The following DCLRE1A variants were observed in gnomAD, a reference collection of about 807,000 sequenced individuals.
DCLRE1A encodes DNA cross-link repair 1A, also known as DNA cross-link repair 1A protein.
In DCLRE1A, 64 loss-of-function variants were observed where a neutral mutation model predicts 91.9. The ratio of observed to expected loss-of-function variants is 0.70; its 90% CI spans 0.57 to 0.86. The LOEUF (loss-of-function observed/expected upper bound fraction) is 0.86, where lower values mean the gene tolerates loss of function less well. Ranked by LOEUF, DCLRE1A falls within the 40% of genes least tolerant of loss-of-function variation. The pLI, the probability that DCLRE1A is intolerant of heterozygous loss-of-function variation, is 0.00. For synonymous variants in DCLRE1A, 416 were observed against 431.1 expected (o/e 0.96, Z 0.43); for missense variants, 1,145 against 1,213.3 (o/e 0.94, Z 0.84).
rs1222271184 is a variant in DCLRE1A at position 113,852,816 on chromosome 10, G to T, written c.367C>A (p.Pro123Thr). Residue 123 changes from proline to threonine, a missense_variant, in exon 1 of 9, where the codon CCA becomes ACA. Transcript: ENST00000361384. The stretch of plus-strand genomic sequence containing the variant: ...GAGGAAAAAGGCATCTGGCAATTTG[G>T]ACAGTATCCATCATAAACTGGACGT... ...KIRPVYDGYC[P>T]NCQMPFSSLI... 1.9e-6 allele frequency: 3 copies of T among 1,614,186 alleles called. No individual in the cohort carries two copies. Among genetic ancestry groups the T allele is most frequent in the Non-Finnish European group, 2.5e-6 (3 of 1,180,022 alleles).
chr10:113,842,986 AAAAT>A (rs1013353056), intron 5 of DCLRE1A, among the ~76,000 whole-genome samples: 16 of 151,706 alleles, frequency 1.1e-4, no homozygotes, highest in African/African-American at 3.6e-4. Flanking sequence ...TTACAGATAC[AAAAT>A]ATATATACTA....
At chr10:113,852,684 T>C in intron 1 of DCLRE1A, 39 bp downstream of exon 1, 2 of 1,554,838 alleles carry the variant, frequency 1.3e-6, no homozygotes, top group Non-Finnish European at 1.7e-6. Context: ...GAAGACTTTT[T>C]AGATTATTTA....
intron 7 of DCLRE1A, among the ~76,000 whole-genome samples, chr10:113,839,346 A>T (rs1845411689): frequency 6.6e-6 from 1 of 151,488 alleles, no homozygotes; most frequent in Non-Finnish European, 1.5e-5. Context: ...AAAAAAAAAA[A>T]AAAAGAAATC....
intron 8 of DCLRE1A, among the ~76,000 whole-genome samples, chr10:113,835,796 G>A (rs964297847): frequency 2.6e-5 from 4 of 152,194 alleles, no homozygotes; most frequent in East Asian, 1.9e-4. Flanking sequence ...TTAGCCAGGC[G>A]TGGTGGCACA....
In DCLRE1A at chr10:113,849,362, T is replaced by C; in HGVS notation, c.1743A>G (p.Glu581=). The part of the protein sequence containing the change: ...EEKLLGESAL[E]GINLNPVPSP... The stretch of plus-strand genomic sequence containing the variant: ...TTGGAACTGGATTTAAGTTTATCCC[T>C]TCTAATGCACTTTCCCCTAGCAATT... The change falls in exon 2 of 9, where the codon GAA becomes GAG. Residue 581 remains glutamate, a synonymous_variant. Transcript: ENST00000361384. 1 of 1,614,108 alleles carries C rather than the reference T, an allele frequency of 6.2e-7. No individual in the cohort carries two copies.
At position 113,835,106 on chromosome 10, in the gene DCLRE1A, G is replaced by A; in HGVS notation, c.*46C>T. 3 of 1,562,068 alleles carry A rather than the reference G, an allele frequency of 1.9e-6. No homozygotes were observed. The highest frequency in any genetic ancestry group is 1.2e-5 in the South Asian group (1 of 84,760). ...TTTCTATAGATTTAACTACTAACAAGCTACATCCAAGGAACTTAACTACTA... is the reference window on the plus strand; with the variant it reads ...TTTCTATAGATTTAACTACTAACAAACTACATCCAAGGAACTTAACTACTA... On this transcript the variant is annotated 3_prime_UTR_variant, in exon 9 of 9. Transcript: ENST00000361384.
At chr10:113,850,902 T>G (rs1589528966) in intron 1 of DCLRE1A, among the ~76,000 whole-genome samples, 2 of 152,198 alleles carry the variant, frequency 1.3e-5, no homozygotes, top group East Asian at 3.8e-4. Flanking sequence ...CTACCATGAT[T>G]GAGAAACTTT....
At position 113,853,317 on chromosome 10, in the gene DCLRE1A, T is replaced by C; in HGVS notation, c.-135A>G. ...GGTAACAAAACCCCCACCAACTCAA[T>C]GGGAATCTGCAGTGTTGGTAATGAA... On this transcript the variant is annotated 5_prime_UTR_variant, in exon 1 of 9. Coordinates refer to ENST00000361384, the MANE Select transcript of DCLRE1A (RefSeq NM_014881.5). 1.2e-6 allele frequency: 1 copy of C among 808,818 alleles called. No individual in the cohort carries two copies. Among genetic ancestry groups the C allele is most frequent in the South Asian group, 2.0e-5 (1 of 51,180 alleles). The allele number at this position is 808,818 out of a possible 1,614,324, so 50.1% of individuals were successfully genotyped here.
intron 4 of DCLRE1A, 148 bp downstream of exon 4, chr10:113,845,537 C>T: frequency 6.3e-6 from 4 of 634,902 alleles, no homozygotes; most frequent in East Asian, 2.8e-5. Context: ...TAATTGGGCA[C>T]ATTATTTTTC....
At chr10:113,837,748 T>C (rs563551854) in intron 7 of DCLRE1A, among the ~76,000 whole-genome samples, 52 of 152,338 alleles carry the variant, frequency 3.4e-4, no homozygotes, top group Non-Finnish European at 6.0e-4. Flanking sequence ...TTAAAACTTT[T>C]CATACCACTA....
intron 5 of DCLRE1A, 146 bp downstream of exon 5, chr10:113,843,958 A>G (rs1177172690): frequency 9.1e-7 from 1 of 1,094,558 alleles, no homozygotes; most frequent in East Asian, 2.6e-5. Context: ...CCCTTAAGCA[A>G]GTATATACAT....
At chr10:113,845,174 T>C (rs1283460586) in intron 4 of DCLRE1A, among the ~76,000 whole-genome samples, 1 of 152,056 alleles carries the variant, frequency 6.6e-6, no homozygotes, top group East Asian at 1.9e-4. Flanking sequence ...ATGCTGATAG[T>C]ACTTTATATT....
In DCLRE1A at chr10:113,835,319, C is replaced by A; in HGVS notation, c.2963-7G>T. On this transcript the variant is annotated splice_polypyrimidine_tract_variant and splice_region_variant and intron_variant, in intron 8 of 8. Transcript: ENST00000361384. ...TGTTCACTGTAAGGAATTCCTGTAA[C>A]AAAAAATAAACGAATTTGTACACTA... 6.4e-7 allele frequency: 1 copy of A among 1,570,890 alleles called. No individual in the cohort carries two copies. Among genetic ancestry groups the A allele is most frequent in the South Asian group, 1.2e-5 (1 of 83,644 alleles).
In DCLRE1A at chr10:113,849,394, C is replaced by T. The variant is rs777776912; in HGVS notation, c.1711G>A (p.Glu571Lys). The T allele has an allele frequency of 6.2e-7, 1 of 1,613,702 alleles. No individual in the cohort carries two copies. The highest frequency in any genetic ancestry group is 1.3e-5 in the African/African-American group (1 of 74,886). ...VYFGLPPKRK[E>K]EKLLGESALE... ...GCACTTTCCCCTAGCAATTTCTCTT[C>T]CTTTCTTTTGGGAGGTAGTCCAAAA... is the stretch of plus-strand genomic sequence containing the variant. The change falls in exon 2 of 9, where the codon GAA (glutamate) becomes AAA (lysine). Residue 571 changes from glutamate to lysine, a missense_variant. Physicochemically the swap from Glu to Lys is moderately conservative, Grantham distance 56. Coordinates refer to ENST00000361384, the MANE Select transcript of DCLRE1A (RefSeq NM_014881.5).
intron 5 of DCLRE1A, 141 bp from the exon 6 acceptor site, chr10:113,842,629 G>C (rs1246917937): frequency 1.6e-6 from 1 of 640,200 alleles, no homozygotes; most frequent in East Asian, 3.0e-5. Flanking sequence ...TTATCTCACT[G>C]CCTGTGGTTG....
chr10:113,850,215 TCA>T lies in DCLRE1A; in HGVS notation c.888_889del (p.Cys296Ter). On this transcript the variant is annotated stop_gained and frameshift_variant, in exon 2 of 9. Coordinates refer to ENST00000361384, the MANE Select transcript of DCLRE1A (RefSeq NM_014881.5). LOFTEE classifies it high-confidence loss of function. ...ACTTTGAAGTGGAGAATAGGAGATT[TCA>T]CAGTCACTGAAGTCATTTTCTGGCA... 3 of 1,614,192 alleles carry T rather than the reference TCA, an allele frequency of 1.9e-6. No homozygotes were observed. Among genetic ancestry groups the T allele is most frequent in the Non-Finnish European group, 1.7e-6 (2 of 1,180,034 alleles).
chr10:113,849,423 A>G lies in DCLRE1A; in HGVS notation c.1682T>C (p.Val561Ala), dbSNP rs1291557412. The change falls in exon 2 of 9, where the codon GTG (valine) becomes GCG (alanine). Residue 561 changes from valine to alanine, a missense_variant. Physicochemically the swap from Val to Ala is moderately conservative, Grantham distance 64. Transcript: ENST00000361384. ...TKVMKQMDIG[V>A]YFGLPPKRKE... Reference sequence around the variant, plus strand: ...TCTTTTGGGAGGTAGTCCAAAATACACACCTATATCCATTTGCTTCATTAC... The same window carrying G: ...TCTTTTGGGAGGTAGTCCAAAATACGCACCTATATCCATTTGCTTCATTAC... 6.2e-7 allele frequency: 1 copy of G among 1,614,050 alleles called. No homozygotes were observed. The highest frequency in any genetic ancestry group is 8.5e-7 in the Non-Finnish European group (1 of 1,179,974).
rs7085140 is a variant in DCLRE1A at position 113,853,530 on chromosome 10, G to A, written c.-348C>T. 4.8e-3 allele frequency: 857 copies of A among 178,532 alleles called. 10 individuals are homozygous for A. Among genetic ancestry groups the A allele is most frequent in the African/African-American group, 0.019 (810 of 42,418 alleles). 11.1% of individuals were successfully genotyped at this position (178,532 alleles called of 1,614,324 possible). A position where few individuals can be genotyped will look rare whatever the true frequency, so the allele number is the denominator to read the frequency against. Reference sequence around the variant, plus strand: ...AAAAATAATACTTCAAAAATTAAGCGCTAATGGCAAATATAGGTTCAACAG... The same window carrying A: ...AAAAATAATACTTCAAAAATTAAGCACTAATGGCAAATATAGGTTCAACAG... On this transcript the variant is annotated 5_prime_UTR_variant, in exon 1 of 9. Coordinates refer to ENST00000361384, the MANE Select transcript of DCLRE1A (RefSeq NM_014881.5).
chr10:113,841,216 T>A (rs1207376540), intron 7 of DCLRE1A, among the ~76,000 whole-genome samples, 190 bp downstream of exon 7: 2 of 152,222 alleles, frequency 1.3e-5, no homozygotes, highest in Non-Finnish European at 2.9e-5. Context: ...GGTGGGCATA[T>A]GAATTACTCT....
Sources: gnomAD v4.1 joint callset for allele counts (sites outside exome capture counted in the v4.1 genomes callset) on GRCh38, gnomAD v4.1.1 for gene constraint, MANE v1.5 for transcripts, NCBI Gene and HGNC (gene_info 2026-07-23, HGNC 2026-07-21) for gene names.